WWTR1: variants seen among roughly 807,000 people sequenced by gnomAD.
The protein encoded by WWTR1 is WW domain containing transcription regulator 1, also known as WW domain-containing transcription regulator protein 1.
A neutral mutation model predicts 40.1 loss-of-function variants in WWTR1; 13 were observed. The ratio of observed to expected loss-of-function variants is 0.32; its 90% CI spans 0.21 to 0.52. The LOEUF (loss-of-function observed/expected upper bound fraction) is 0.52. WWTR1 is among the 20% of genes least tolerant of loss of function. WWTR1 has a pLI of 0.97. For synonymous variants in WWTR1, 230 were observed against 210.1 expected (o/e 1.09, Z -0.82); for missense variants, 436 against 523.1 (o/e 0.83, Z 1.63).
intron 2 of WWTR1, among the ~76,000 whole-genome samples, chr3:149,603,387 T>G (rs147838125): frequency 4.6e-5 from 7 of 152,200 alleles, no homozygotes; most frequent in African/African-American, 1.7e-4. Context: ...AATTTTGACA[T>G]CTTAATGAAG....
chr3:149,602,664 T>TC (rs536294614), intron 2 of WWTR1, among the ~76,000 whole-genome samples: 6 of 151,948 alleles, frequency 3.9e-5, no homozygotes, highest in Admixed American at 6.6e-5. Context: ...AGAAAAGGCT[T>TC]CCCCCCCAAC....
intron 3 of WWTR1, among the ~76,000 whole-genome samples, chr3:149,568,113 C>T (rs13080415): frequency 0.11 from 16,441 of 152,172 alleles, 1,127 homozygotes; most frequent in Non-Finnish European, 0.15. Context: ...TGGCTGGGTG[C>T]AGTGGCTCAC....
At chr3:149,613,688 C>T (rs1739839428) in intron 2 of WWTR1, among the ~76,000 whole-genome samples, 1 of 152,096 alleles carries the variant, frequency 6.6e-6, no homozygotes. Context: ...GTTGAAACTA[C>T]AGGCACATAC....
intron 2 of WWTR1, among the ~76,000 whole-genome samples, chr3:149,628,029 C>T (rs1370009057): frequency 7.0e-6 from 1 of 143,710 alleles, no homozygotes; most frequent in East Asian, 2.2e-4. Context: ...GCCGAGATGG[C>T]GCCATTGCGC....
chr3:149,611,679 G>A (rs1383663235), intron 2 of WWTR1, among the ~76,000 whole-genome samples: 1 of 152,184 alleles, frequency 6.6e-6, no homozygotes, highest in African/African-American at 2.4e-5. Context: ...TTTGAATGGG[G>A]TACAGGATAT....
intron 1 of WWTR1, among the ~76,000 whole-genome samples, chr3:149,679,233 G>T (rs1226967336): frequency 6.6e-6 from 1 of 152,212 alleles, no homozygotes; most frequent in Non-Finnish European, 1.5e-5. Context: ...TTGGCGATGA[G>T]CATTTTGGAA....
intron 2 of WWTR1, among the ~76,000 whole-genome samples, chr3:149,592,001 C>G (rs955021656): frequency 6.6e-6 from 1 of 152,136 alleles, no homozygotes; most frequent in Non-Finnish European, 1.5e-5. Context: ...AAATCTACTT[C>G]TCCGGTAACA....
chr3:149,551,685 A>G (rs1298667170), intron 3 of WWTR1, among the ~76,000 whole-genome samples: 3 of 145,628 alleles, frequency 2.1e-5, no homozygotes, highest in Non-Finnish European at 4.5e-5. Context: ...AAATCTGGGA[A>G]AGTCCCAGGC....
At position 149,542,559 on chromosome 3, in the gene WWTR1, A is replaced by C. The variant is rs549916450; in HGVS notation, c.569-22T>G. 1.0e-5 allele frequency: 16 copies of C among 1,592,306 alleles called. No individual in the cohort carries two copies. The South Asian group carries it at 1.7e-4, about 17-fold the overall frequency. On this transcript the variant is annotated intron_variant, in intron 3 of 6. Coordinates refer to ENST00000360632, the MANE Select transcript of WWTR1 (RefSeq NM_015472.6). Reference sequence around the variant, plus strand: ...ATCACTGCAAGAGGGAAGAACATACAGATTAATGACCAGGGCCCACAATAC... The same window carrying C: ...ATCACTGCAAGAGGGAAGAACATACCGATTAATGACCAGGGCCCACAATAC...
chr3:149,655,584 T>C (rs1399718595), intron 2 of WWTR1, among the ~76,000 whole-genome samples: 5 of 152,316 alleles, frequency 3.3e-5, no homozygotes, highest in Middle Eastern at 3.4e-3. Flanking sequence ...AGACCAGCTG[T>C]GGCATAAATG....
intron 2 of WWTR1, among the ~76,000 whole-genome samples, chr3:149,608,416 T>C (rs1427357014): frequency 6.6e-6 from 1 of 151,920 alleles, no homozygotes; most frequent in Non-Finnish European, 1.5e-5. Context: ...GATGGAGTCT[T>C]GCTCTGTCAC....
chr3:149,724,725 C>T (rs749625315), exon 3 of WWTR1: 2 of 152,200 alleles, frequency 1.3e-5, no homozygotes, highest in African/African-American at 4.8e-5. Flanking sequence ...CCATGTTTCT[C>T]TTTCACATTT....
At chr3:149,559,293 CAAAAAAAAAAAA>C (rs57470539) in intron 3 of WWTR1, among the ~76,000 whole-genome samples, 2 of 58,106 alleles carry the variant, frequency 3.4e-5, no homozygotes, top group Non-Finnish European at 6.7e-5. Context: ...GACTCCATCT[CAAAAAAAAAAAA>C]AAAAAAAAGA....
chr3:149,595,496 GA>G (rs1334500866), intron 2 of WWTR1, among the ~76,000 whole-genome samples: 1 of 151,946 alleles, frequency 6.6e-6, no homozygotes, highest in Non-Finnish European at 1.5e-5. Flanking sequence ...TTATTTGCTT[GA>G]AAATACTACT....
intron 2 of WWTR1, among the ~76,000 whole-genome samples, chr3:149,631,607 A>G (rs193076688): frequency 2.5e-4 from 38 of 152,316 alleles, no homozygotes; most frequent in African/African-American, 8.4e-4. Context: ...AAAAAACAGC[A>G]ATGCATCCTC....
chr3:149,614,780 C>T (rs1414886361), intron 2 of WWTR1, among the ~76,000 whole-genome samples: 6 of 152,040 alleles, frequency 3.9e-5, no homozygotes, highest in Non-Finnish European at 7.4e-5. Flanking sequence ...GTCAGGAGTT[C>T]GAGACCAGCC....
At chr3:149,613,131 GT>G (rs1323059268) in intron 2 of WWTR1, among the ~76,000 whole-genome samples, 1 of 152,110 alleles carries the variant, frequency 6.6e-6, no homozygotes, top group African/African-American at 2.4e-5. Context: ...CTCTGCTAGT[GT>G]TTTGTCTTCC....
chr3:149,539,129 T>C (rs1049173922), intron 4 of WWTR1, among the ~76,000 whole-genome samples: 4 of 152,194 alleles, frequency 2.6e-5, no homozygotes, highest in Non-Finnish European at 5.9e-5. Context: ...CATCAAATCA[T>C]GCAACAAGGA....
intron 5 of WWTR1, 66 bp downstream of exon 5, chr3:149,527,770 T>C: frequency 6.2e-7 from 1 of 1,601,354 alleles, no homozygotes; most frequent in East Asian, 2.2e-5. Flanking sequence ...TAAACAAAGA[T>C]CCTATTATAG....
Sources: allele counts gnomAD v4.1 joint callset (sites outside exome capture counted in the v4.1 genomes callset), GRCh38; gene constraint gnomAD v4.1.1; transcripts MANE v1.5; gene names NCBI Gene and HGNC (gene_info 2026-07-23, HGNC 2026-07-21).